The following SLIT1 variants were observed in gnomAD, a reference collection of about 807,000 sequenced individuals.
SLIT1 encodes the protein slit guidance ligand 1.
Under a neutral mutation model 186.1 loss-of-function variants are expected in SLIT1, and 66 were observed. The ratio of observed to expected loss-of-function variants is 0.35; its 90% confidence interval spans 0.29 to 0.44. The LOEUF (loss-of-function observed/expected upper bound fraction) is 0.44. Among genes scored for constraint, SLIT1 ranks in the 20% least tolerant of loss-of-function variants. SLIT1 has a pLI of 1.00. For synonymous variants in SLIT1, 761 were observed against 833.8 expected (o/e 0.91, Z 1.50); for missense variants, 1,638 against 2,037.4 (o/e 0.80, Z 3.77).
Position 97,059,495 on chromosome 10 carries a change from G to A in SLIT1, c.1050C>T (p.Pro350=), listed in dbSNP as rs745883788. ...LSNNQIAEIA[P]DAFQGLRSLN... is the part of the protein sequence containing the mutation. ...GGGAGCGGAGGCCCTGGAAGGCGTCGGGTGCAATCTCAGCGATCTGATTGT... is the reference window on the plus strand; with the variant it reads ...GGGAGCGGAGGCCCTGGAAGGCGTCAGGTGCAATCTCAGCGATCTGATTGT... Residue 350 remains proline, a synonymous_variant, in exon 11 of 37, where the codon CCC becomes CCT. Coordinates refer to ENST00000266058, the MANE Select transcript of SLIT1 (RefSeq NM_003061.3). The A allele has an allele frequency of 8.7e-6, 14 of 1,613,844 alleles. No individual in the cohort carries two copies. Among genetic ancestry groups the A allele is most frequent in the South Asian group, 6.6e-5 (6 of 91,080 alleles).
intron 4 of SLIT1, among the ~76,000 whole-genome samples, chr10:97,120,122 A>G (rs1849547860): frequency 6.6e-6 from 1 of 151,844 alleles, no homozygotes; most frequent in South Asian, 2.1e-4. Flanking sequence ...CAGTTTAGCA[A>G]AACAGGACTC....
intron 1 of SLIT1, among the ~76,000 whole-genome samples, chr10:97,183,945 A>C (rs1406516079): frequency 6.6e-6 from 1 of 151,894 alleles, no homozygotes; most frequent in Non-Finnish European, 1.5e-5. Context: ...CGCTGCCCAC[A>C]GAAACTCAGT....
At chr10:97,109,436 C>A (rs1037294048) in intron 4 of SLIT1, among the ~76,000 whole-genome samples, 1 of 152,262 alleles carries the variant, frequency 6.6e-6, no homozygotes, top group South Asian at 2.1e-4. Flanking sequence ...AGAAGGACTG[C>A]CTCCAAGATG....
intron 30 of SLIT1, among the ~76,000 whole-genome samples, chr10:97,012,224 T>G (rs1267363837): frequency 6.6e-6 from 1 of 152,182 alleles, no homozygotes; most frequent in Non-Finnish European, 1.5e-5. Flanking sequence ...CATCTTTTAA[T>G]GTTAATCTTG....
chr10:97,103,604 A>G (rs965474847), intron 4 of SLIT1: 2 of 152,230 alleles, frequency 1.3e-5, no homozygotes, highest in African/African-American at 4.8e-5. Flanking sequence ...AAAAGCGCAC[A>G]GTGTGATTTC....
intron 4 of SLIT1, among the ~76,000 whole-genome samples, chr10:97,109,387 C>T (rs945080173): frequency 4.1e-4 from 63 of 152,150 alleles, no homozygotes; most frequent in African/African-American, 1.4e-3. Flanking sequence ...GCAACCTCAG[C>T]TACTCTCTCC....
chr10:97,053,770 C>T (rs895470133), intron 13 of SLIT1, among the ~76,000 whole-genome samples: 4 of 152,114 alleles, frequency 2.6e-5, no homozygotes, highest in African/African-American at 7.2e-5. Flanking sequence ...ATTTTCCTTA[C>T]GTGGAAACAT....
At chr10:97,042,817 C>G (rs1848701284) in intron 20 of SLIT1, 84 bp downstream of exon 20, 2 of 1,439,304 alleles carry the variant, frequency 1.4e-6, no homozygotes, top group Non-Finnish European at 1.9e-6. Flanking sequence ...TGCTGCCTGT[C>G]CACTCCCATC....
intron 4 of SLIT1, among the ~76,000 whole-genome samples, chr10:97,067,521 T>G (rs914215751): frequency 6.6e-6 from 1 of 152,214 alleles, no homozygotes; most frequent in African/African-American, 2.4e-5. Flanking sequence ...TCAGAGAAGC[T>G]AAGCAACTTC....
At position 97,004,254 on chromosome 10, in the gene SLIT1, A is replaced by G. The variant is rs776660178; in HGVS notation, c.3711-32T>C. 3.8e-6 allele frequency: 6 copies of G among 1,587,634 alleles called. No homozygotes were observed. In the South Asian group the frequency reaches 6.7e-5, roughly 18 times the overall value. ...GAAGAGGGGGTTCCCCGTTCCAGGG[A>G]GTGGGCATCAGTCTGGACCATCCCT... On this transcript the variant is annotated intron_variant, in intron 33 of 36. Coordinates refer to ENST00000266058, the MANE Select transcript of SLIT1 (RefSeq NM_003061.3). This position sits in a 1 kb window ranked among gnomAD's most constrained non-coding sequence, Gnocchi z 5.1.
intron 28 of SLIT1, among the ~76,000 whole-genome samples, chr10:97,017,952 G>A (rs770481249): frequency 3.3e-5 from 5 of 151,340 alleles, no homozygotes; most frequent in Non-Finnish European, 5.9e-5. Flanking sequence ...AGTTTCAAGC[G>A]ATTCTCCTGC....
intron 1 of SLIT1, among the ~76,000 whole-genome samples, chr10:97,168,543 C>G (rs1007840194): frequency 6.6e-6 from 1 of 152,222 alleles, no homozygotes; most frequent in Non-Finnish European, 1.5e-5. Context: ...ACGTCATACA[C>G]TGTGTGTTCT....
At position 97,043,234 on chromosome 10, in the gene SLIT1, GA is replaced by G. The variant is rs1848704814; in HGVS notation, c.1997+135del. 7.4e-7 allele frequency: 1 copy of G among 1,351,806 alleles called. No individual in the cohort carries two copies. The highest frequency in any genetic ancestry group is 1.4e-5 in the African/African-American group (1 of 69,250). The allele number at this position is 1,351,806 out of a possible 1,614,324, so 83.7% of individuals were successfully genotyped here. A position where few individuals can be genotyped will look rare whatever the true frequency, so the allele number is the denominator to read the frequency against. On this transcript the variant is annotated intron_variant, in intron 19 of 36. Transcript: ENST00000266058. This position sits in a 1 kb window ranked among gnomAD's most constrained non-coding sequence, Gnocchi z 7.0. Reference sequence around the variant, plus strand: ...GCTCTGAGGACCGGAGGGAGACTTCGAAATGTGGAACCCACGTTTCAGCAAA... The same window carrying G: ...GCTCTGAGGACCGGAGGGAGACTTCGAATGTGGAACCCACGTTTCAGCAAA...
intron 13 of SLIT1, 30 bp downstream of exon 13, chr10:97,056,291 G>A (rs376441246): frequency 1.6e-5 from 25 of 1,612,084 alleles, no homozygotes; most frequent in Non-Finnish European, 2.0e-5. Context: ...CTGCTGGGAG[G>A]GGAGAAGAAG....
intron 4 of SLIT1, among the ~76,000 whole-genome samples, chr10:97,077,654 C>G (rs1358523952): frequency 6.6e-6 from 1 of 152,180 alleles, no homozygotes. Context: ...AGGCTTCCAA[C>G]TGCCGCTACT....
intron 32 of SLIT1, among the ~76,000 whole-genome samples, chr10:97,005,724 A>G (rs1848354464): frequency 6.6e-6 from 1 of 152,330 alleles, no homozygotes; most frequent in Middle Eastern, 3.4e-3. Flanking sequence ...CATGTAGACT[A>G]TGTAAGTGGA....
At chr10:97,101,671 G>A (rs552333054) in intron 4 of SLIT1, among the ~76,000 whole-genome samples, 1 of 152,370 alleles carries the variant, frequency 6.6e-6, no homozygotes, top group East Asian at 1.9e-4. Flanking sequence ...CAGGGAGGAT[G>A]TGCTGCACAT....
intron 4 of SLIT1, among the ~76,000 whole-genome samples, chr10:97,086,483 C>A (rs1254374457): frequency 6.6e-6 from 1 of 151,806 alleles, no homozygotes; most frequent in African/African-American, 2.4e-5. Context: ...GAGGCTGAGG[C>A]AAGAGAATCG....
At chr10:97,083,325 A>G (rs1849124108) in intron 4 of SLIT1, among the ~76,000 whole-genome samples, 1 of 152,216 alleles carries the variant, frequency 6.6e-6, no homozygotes, top group African/African-American at 2.4e-5. Context: ...GCCTAACTGC[A>G]GAACCCACAA....
Sources: allele counts gnomAD v4.1 joint callset (sites outside exome capture counted in the v4.1 genomes callset), GRCh38; gene constraint gnomAD v4.1.1; non-coding constraint Gnocchi (gnomAD v3.1); transcripts MANE v1.5; gene names NCBI Gene and HGNC (gene_info 2026-07-23, HGNC 2026-07-21).